HSF5: variants seen among roughly 807,000 people sequenced by gnomAD.
The protein encoded by HSF5 is heat shock factor protein 5.
Under a neutral mutation model 50.8 loss-of-function variants are expected in HSF5, and 5 were observed. The ratio of observed to expected loss-of-function variants is 0.10; its 90% CI spans 0.05 to 0.21. The LOEUF (loss-of-function observed/expected upper bound fraction) is 0.21, where lower values mean the gene tolerates loss of function less well. Among genes scored for constraint, HSF5 ranks in the 10% least tolerant of loss-of-function variants. The pLI is 1.00. For missense variants in HSF5, 564 were observed against 762.6 expected (o/e 0.74, Z 3.07); for synonymous variants, 307 against 307.4 (o/e 1.00, Z 0.02).
At chr17:58,451,740 G>GA (rs1974644201) in intron 5 of HSF5, among the ~76,000 whole-genome samples, 1 of 152,094 alleles carries the variant, frequency 6.6e-6, no homozygotes, top group African/African-American at 2.4e-5. Context: ...AAAAGGTATA[G>GA]AGACTTCAAA....
intron 5 of HSF5, among the ~76,000 whole-genome samples, chr17:58,436,794 C>T (rs1251396463): frequency 2.0e-5 from 3 of 151,138 alleles, no homozygotes; most frequent in Non-Finnish European, 4.4e-5. Context: ...AAGTAAAACA[C>T]AGGAATTCAG....
chr17:58,481,514 G>C (rs1014487534), intron 1 of HSF5, among the ~76,000 whole-genome samples: 1 of 152,198 alleles, frequency 6.6e-6, no homozygotes, highest in African/African-American at 2.4e-5. Context: ...TCATGTGACT[G>C]ATTCACAAGT....
chr17:58,485,354 T>C (rs1367903133), intron 1 of HSF5, among the ~76,000 whole-genome samples: 2 of 152,152 alleles, frequency 1.3e-5, no homozygotes, highest in Non-Finnish European at 2.9e-5. Flanking sequence ...ACCCTGTTGG[T>C]TTCTTGGTAT....
At chr17:58,483,540 T>C (rs749780055) in intron 1 of HSF5, among the ~76,000 whole-genome samples, 3 of 152,204 alleles carry the variant, frequency 2.0e-5, no homozygotes, top group Admixed American at 6.5e-5. Flanking sequence ...GATGAAATTG[T>C]GTTCTCAAAA....
At chr17:58,424,301 G>A (rs1001253501) in intron 5 of HSF5, among the ~76,000 whole-genome samples, 4 of 152,098 alleles carry the variant, frequency 2.6e-5, no homozygotes, top group Non-Finnish European at 5.9e-5. Flanking sequence ...ATAACGGAAT[G>A]TTATTTAGCC....
At chr17:58,470,754 C>T (rs1415919039) in intron 2 of HSF5, among the ~76,000 whole-genome samples, 1 of 152,042 alleles carries the variant, frequency 6.6e-6, no homozygotes, top group Non-Finnish European at 1.5e-5. Context: ...GGTGAAACCC[C>T]GTCACTACTA....
At chr17:58,486,230 T>G (rs1350968134) in intron 1 of HSF5, among the ~76,000 whole-genome samples, 2 of 151,860 alleles carry the variant, frequency 1.3e-5, no homozygotes, top group African/African-American at 4.8e-5. Context: ...CCGGGCATGG[T>G]GGCACGCGCC....
intron 4 of HSF5, among the ~76,000 whole-genome samples, chr17:58,461,077 G>A (rs902031488): frequency 7.9e-5 from 12 of 151,684 alleles, no homozygotes; most frequent in Non-Finnish European, 1.6e-4. Flanking sequence ...TAGCCAGCCT[G>A]GGGGGACACA....
At chr17:58,475,908 C>T (rs1416792503) in intron 2 of HSF5, among the ~76,000 whole-genome samples, 1 of 152,006 alleles carries the variant, frequency 6.6e-6, no homozygotes, top group Non-Finnish European at 1.5e-5. Context: ...GAATTTCGAA[C>T]AGAAAGGGGT....
intron 5 of HSF5, among the ~76,000 whole-genome samples, chr17:58,457,322 G>A (rs1974725387): frequency 6.7e-6 from 1 of 150,338 alleles, no homozygotes. Context: ...AAAAGGGCCA[G>A]GCATGGTGGC....
At chr17:58,432,512 A>G (rs944259388) in intron 5 of HSF5, among the ~76,000 whole-genome samples, 2 of 152,160 alleles carry the variant, frequency 1.3e-5, no homozygotes, top group Non-Finnish European at 2.9e-5. Context: ...GACAATAGCA[A>G]GTGTAAAGGC....
At chr17:58,430,480 T>C (rs927304073) in intron 5 of HSF5, among the ~76,000 whole-genome samples, 2 of 152,110 alleles carry the variant, frequency 1.3e-5, no homozygotes, top group African/African-American at 4.8e-5. Flanking sequence ...GTAGGCACCA[T>C]CCAGTCAGCC....
chr17:58,462,930 T>A lies in HSF5; in HGVS notation c.1394A>T (p.His465Leu), dbSNP rs750787690. 9 of 1,614,184 alleles carry A rather than the reference T, an allele frequency of 5.6e-6. No homozygotes were observed. The South Asian group carries it at 9.9e-5, about 18-fold the overall frequency. ...PQSPEYIYTI[H>L]TAQPVENSTI... ...GCTATTTTCAACAGGCTGAGCTGTGTGGATGGTATAGATGTACTCAGGTGA... is the reference window on the plus strand; with the variant it reads ...GCTATTTTCAACAGGCTGAGCTGTGAGGATGGTATAGATGTACTCAGGTGA... Residue 465 changes from histidine to leucine, a missense_variant, in exon 4 of 6, where the codon CAC becomes CTC. His to Leu is a moderately conservative substitution (Grantham distance 99). This residue lies in a region of HSF5 where 441 missense variants were observed against 533.6 expected (regional missense o/e 0.83). Transcript: ENST00000323777.
chr17:58,449,831 G>A (rs1416706689), intron 5 of HSF5, among the ~76,000 whole-genome samples: 2 of 150,814 alleles, frequency 1.3e-5, no homozygotes, highest in African/African-American at 2.4e-5. Context: ...AGACCATCCC[G>A]GCTAAAACGG....
chr17:58,470,879 T>A (rs968859035), intron 2 of HSF5, among the ~76,000 whole-genome samples: 1 of 152,122 alleles, frequency 6.6e-6, no homozygotes, highest in Non-Finnish European at 1.5e-5. Context: ...TCAGCCAAGA[T>A]CGCACTACTG....
chr17:58,423,390 T>C (rs934997240), intron 5 of HSF5, among the ~76,000 whole-genome samples: 2 of 151,384 alleles, frequency 1.3e-5, no homozygotes, highest in Non-Finnish European at 2.9e-5. Flanking sequence ...AAAACGTCTA[T>C]AGAGGAACAC....
At chr17:58,476,884 G>T in intron 2 of HSF5, 1 of 1,187,946 alleles carries the variant, frequency 8.4e-7, no homozygotes, top group Non-Finnish European at 1.2e-6. Context: ...TTTTTCCTGA[G>T]GTCTCGTCGG....
At chr17:58,458,069 C>T (rs1025209120) in intron 5 of HSF5, among the ~76,000 whole-genome samples, 1 of 152,132 alleles carries the variant, frequency 6.6e-6, no homozygotes, top group African/African-American at 2.4e-5. Context: ...GTCATTCTGC[C>T]TGCACTGCAT....
At chr17:58,453,519 A>G (rs1001401273) in intron 5 of HSF5, among the ~76,000 whole-genome samples, 3 of 151,336 alleles carry the variant, frequency 2.0e-5, no homozygotes, top group African/African-American at 7.3e-5. Flanking sequence ...ACTTGAACCT[A>G]GGAGGCAGAG....
Sources: allele counts gnomAD v4.1 joint callset (sites outside exome capture counted in the v4.1 genomes callset), GRCh38; gene constraint gnomAD v4.1.1; regional missense constraint gnomAD v4.1.1; transcripts MANE v1.5; gene names NCBI Gene and HGNC (gene_info 2026-07-23, HGNC 2026-07-21).